Variants in MGAT4C observed in about 807,000 individuals in gnomAD.
The protein encoded by MGAT4C is MGAT4 family member C, also known as alpha-1,3-mannosyl-glycoprotein 4-beta-N-acetylglucosaminyltransferase C.
In MGAT4C, 19 loss-of-function variants were observed where a neutral mutation model predicts 40.1. The ratio of observed to expected loss-of-function variants is 0.47; its 90% CI spans 0.33 to 0.70. The LOEUF (loss-of-function observed/expected upper bound fraction) is 0.70. Ranked by LOEUF, MGAT4C falls within the 30% of genes least tolerant of loss-of-function variation. MGAT4C has a pLI of 0.02. For missense variants in MGAT4C, 491 were observed against 563.2 expected, an observed-to-expected ratio of 0.87 and a Z score of 1.30; for synonymous variants, 181 against 187.1, an observed-to-expected ratio of 0.97 and a Z score of 0.27.
chr12:86,137,435 T>C (rs985074172), intron 1 of MGAT4C, among the ~76,000 whole-genome samples: 1 of 152,200 alleles, frequency 6.6e-6, no homozygotes, highest in Non-Finnish European at 1.5e-5. Context: ...ATTGTATATA[T>C]GACTTTGTCA....
rs577061802 is a variant in MGAT4C at position 85,965,080 on chromosome 12, T to G, written c.*14209A>C. 6.6e-6 allele frequency: 1 copy of G among 152,324 alleles called. No homozygotes were observed. The highest frequency in any genetic ancestry group is 2.1e-4 in the South Asian group (1 of 4,834). 9.4% of individuals were successfully genotyped at this position (152,324 alleles called of 1,614,324 possible). A position where few individuals can be genotyped will look rare whatever the true frequency, so the allele number is the denominator to read the frequency against. ...ATGTGCTTTAACTTCTGTAGGCACA[T>G]TTCCTTTCCAATTAGAGTGAGGTGT... On this transcript the variant is annotated 3_prime_UTR_variant, in exon 5 of 5. Transcript: ENST00000611864.
At chr12:86,402,556 T>C (rs1337101924) in intron 3 of MGAT4C, among the ~76,000 whole-genome samples, 1 of 152,186 alleles carries the variant, frequency 6.6e-6, no homozygotes, top group Admixed American at 6.5e-5. Context: ...TTGGTATTCT[T>C]GGAAGATAGA....
chr12:86,800,220 G>C (rs1431334721), intron 1 of MGAT4C, among the ~76,000 whole-genome samples: 2 of 151,854 alleles, frequency 1.3e-5, no homozygotes, highest in African/African-American at 2.4e-5. Flanking sequence ...ATTTCTGACA[G>C]TGCTAGTTTA....
At position 86,104,260 on chromosome 12, in the gene MGAT4C, TAA is replaced by T. The variant is rs34925997; in HGVS notation, c.-56-54539_-56-54538del. On this transcript the variant is annotated intron_variant, in intron 1 of 4. Coordinates refer to ENST00000611864, the MANE Select transcript of MGAT4C (RefSeq NM_001351288.2). ...CAACATGCAAAACTCCGTCTCTACT[TAA>T]AAAAAAAAAAAAAGAAAAATACAAA... Among the ~76,000 whole-genome samples, 202 of 141,962 alleles carry T rather than the reference TAA, an allele frequency of 1.4e-3. 1 individual carries two copies. The highest frequency in any genetic ancestry group is 2.8e-3 in the Admixed American group (40 of 14,230). 93.1% of individuals were successfully genotyped at this position (141,962 alleles called of 152,430 possible). A position where few individuals can be genotyped will look rare whatever the true frequency, so the allele number is the denominator to read the frequency against.
intron 2 of MGAT4C, among the ~76,000 whole-genome samples, chr12:86,615,434 T>A (rs1052553745): frequency 2.0e-5 from 3 of 152,020 alleles, no homozygotes; most frequent in African/African-American, 7.2e-5. Flanking sequence ...ACAGCAAATA[T>A]CTCTGAGGTG....
intron 4 of MGAT4C, among the ~76,000 whole-genome samples, chr12:86,326,464 G>A (rs904190835): frequency 2.0e-5 from 3 of 151,566 alleles, no homozygotes; most frequent in African/African-American, 7.3e-5. Context: ...TTATACCTCA[G>A]TAAAGGTGAA....
intron 3 of MGAT4C, among the ~76,000 whole-genome samples, chr12:86,404,900 A>C (rs1956434627): frequency 6.6e-6 from 1 of 152,138 alleles, no homozygotes; most frequent in Non-Finnish European, 1.5e-5. Context: ...ATGTGTAACT[A>C]AATGAGATAG....
chr12:86,422,142 A>C (rs1956840297), intron 3 of MGAT4C, among the ~76,000 whole-genome samples: 1 of 152,216 alleles, frequency 6.6e-6, no homozygotes, highest in Admixed American at 6.5e-5. Flanking sequence ...CTCTAAAAAA[A>C]TGGAGATAGC....
intron 1 of MGAT4C, among the ~76,000 whole-genome samples, chr12:86,177,919 C>T (rs938551220): frequency 5.3e-5 from 8 of 152,072 alleles, no homozygotes; most frequent in South Asian, 4.1e-4. Flanking sequence ...TATTCACTTA[C>T]TACTAATAAT....
intron 1 of MGAT4C, among the ~76,000 whole-genome samples, chr12:86,811,128 A>G (rs915715772): frequency 1.3e-5 from 2 of 150,606 alleles, no homozygotes; most frequent in Non-Finnish European, 3.0e-5. Context: ...TTCTGCTTCA[A>G]TGTCATTGTT....
At chr12:86,325,034 C>A (rs1419802101) in intron 4 of MGAT4C, among the ~76,000 whole-genome samples, 3 of 151,970 alleles carry the variant, frequency 2.0e-5, no homozygotes, top group Admixed American at 2.0e-4. Flanking sequence ...TGTAGATGTT[C>A]AGAAGCAGTC....
chr12:86,824,492 T>C (rs1216193106), intron 1 of MGAT4C, among the ~76,000 whole-genome samples: 2 of 151,336 alleles, frequency 1.3e-5, no homozygotes, highest in African/African-American at 4.8e-5. Flanking sequence ...GGAAAAGGCA[T>C]GTATATAGGG....
chr12:86,408,479 C>CTCTCTCTCTCTCTCTA (rs1267344319), intron 3 of MGAT4C, among the ~76,000 whole-genome samples: 7 of 63,344 alleles, frequency 1.1e-4, no homozygotes, highest in African/African-American at 1.6e-4. Flanking sequence ...CTCTCTCTCT[C>CTCTCTCTCTCTCTCTA]TATATATATA....
intron 2 of MGAT4C, among the ~76,000 whole-genome samples, chr12:86,525,352 C>T (rs1958863206): frequency 6.6e-6 from 1 of 152,158 alleles, no homozygotes; most frequent in South Asian, 2.1e-4. Flanking sequence ...CCTCCCCAGT[C>T]ACATGGAACT....
intron 1 of MGAT4C, among the ~76,000 whole-genome samples, chr12:86,779,642 G>T (rs1351236210): frequency 6.6e-6 from 1 of 151,766 alleles, no homozygotes; most frequent in Non-Finnish European, 1.5e-5. Context: ...GGCCGGGAGC[G>T]GTGGCTTACT....
chr12:85,980,098 G>T lies in MGAT4C; in HGVS notation c.628C>A (p.Leu210Ile). The change falls in exon 5 of 5, where the codon CTT becomes ATT. Residue 210 changes from leucine to isoleucine, a missense_variant. Leu to Ile is a conservative substitution (Grantham distance 5). Transcript: ENST00000611864. ...SKQNVDYAFLLNFCANTSDYY... is the reference protein window; with the variant it reads ...SKQNVDYAFLINFCANTSDYY... ...TCTGAAGTATTGGCACAAAAATTAA[G>T]CAGAAAAGCATAATCTACATTTTGC... is the stretch of plus-strand genomic sequence containing the variant. The T allele has an allele frequency of 3.7e-6, 6 of 1,613,720 alleles. No individual in the cohort carries two copies. The South Asian group carries it at 4.4e-5, about 12-fold the overall frequency.
At chr12:86,721,446 C>T (rs894325843) in intron 2 of MGAT4C, among the ~76,000 whole-genome samples, 5 of 151,982 alleles carry the variant, frequency 3.3e-5, no homozygotes, top group South Asian at 2.1e-4. Context: ...AGTAGACTAG[C>T]GCAATTCATC....
In MGAT4C at chr12:85,971,276, T is replaced by C. The variant is rs1368744174; in HGVS notation, c.*8013A>G. On this transcript the variant is annotated 3_prime_UTR_variant, in exon 5 of 5. Coordinates refer to ENST00000611864, the MANE Select transcript of MGAT4C (RefSeq NM_001351288.2). ...CAACACTATTGGGCACCCAGTTATT[T>C]GGTGGTACGCTGAGTGAAAATATGT... 1 of 151,306 alleles carries C rather than the reference T, an allele frequency of 6.6e-6. No homozygotes were observed. The highest frequency in any genetic ancestry group is 1.5e-5 in the Non-Finnish European group (1 of 67,396). The allele number at this position is 151,306 out of a possible 1,614,324, so 9.4% of individuals were successfully genotyped here.
intron 2 of MGAT4C, chr12:86,016,099 T>C (rs1889062080): frequency 6.6e-6 from 1 of 152,208 alleles, no homozygotes; most frequent in African/African-American, 2.4e-5. Context: ...TAAAAGTAAT[T>C]ACCCGTTTTG....
Sources: gnomAD v4.1 joint callset for allele counts (sites outside exome capture counted in the v4.1 genomes callset) on GRCh38, gnomAD v4.1.1 for gene constraint, MANE v1.5 for transcripts, NCBI Gene and HGNC (gene_info 2026-07-23, HGNC 2026-07-21) for gene names.